RMDN3: variants seen among roughly 807,000 people sequenced by gnomAD.
RMDN3 encodes regulator of microtubule dynamics protein 3.
A neutral mutation model predicts 61.8 loss-of-function variants in RMDN3; 41 were observed. The ratio of observed to expected loss-of-function variants is 0.66; its 90% CI spans 0.52 to 0.86. The LOEUF is 0.86. Among genes scored for constraint, RMDN3 ranks in the 40% least tolerant of loss-of-function variants. The pLI is 0.00. For missense variants in RMDN3, 557 were observed against 585.3 expected, an observed-to-expected ratio of 0.95 and a Z score of 0.50; for synonymous variants, 247 against 232.0, an observed-to-expected ratio of 1.06 and a Z score of -0.59.
chr15:40,746,331 C>T (rs563054056), intron 4 of RMDN3, among the ~76,000 whole-genome samples: 63 of 152,006 alleles, frequency 4.1e-4, no homozygotes, highest in South Asian at 1.7e-3. Context: ...CTGGCTAACA[C>T]GGTGAAACCC....
chr15:40,738,483 G>A lies in RMDN3; in HGVS notation c.1047+18C>T. 1 of 1,613,496 alleles carries A rather than the reference G, an allele frequency of 6.2e-7. No homozygotes were observed. Among genetic ancestry groups the A allele is most frequent in the Non-Finnish European group, 8.5e-7 (1 of 1,179,486 alleles). On this transcript the variant is annotated intron_variant, in intron 8 of 12. Transcript: ENST00000338376. The stretch of plus-strand genomic sequence containing the variant: ...TGGGATAGGCCAGCACAAGGAAGGA[G>A]GAAAAGCCTGTCCTCACCTTGAAGC...
At chr15:40,742,987 G>A (rs922184774) in intron 6 of RMDN3, among the ~76,000 whole-genome samples, 3 of 152,082 alleles carry the variant, frequency 2.0e-5, no homozygotes, top group African/African-American at 7.2e-5. Flanking sequence ...CTACTCAATT[G>A]GTCTGTTCTT....
chr15:40,753,420 G>A (rs573972829), intron 2 of RMDN3, among the ~76,000 whole-genome samples: 11 of 152,102 alleles, frequency 7.2e-5, no homozygotes, highest in Non-Finnish European at 1.3e-4. Context: ...GCTGAGGCAC[G>A]AGAATCACTT....
chr15:40,745,162 C>T lies in RMDN3; in HGVS notation c.622G>A (p.Gly208Arg). ...TCCAAGTCAAGAGAATCCTTTCTCC[C>T]CATCTTCACAGTCTCACAGCTCACT... ...DEVSCETVKM[G>R]RKDSLDLEEE... Residue 208 changes from glycine (G) to arginine (R), a missense_variant, in exon 5 of 13, where the codon GGG (glycine) becomes AGG (arginine). Transcript: ENST00000338376. 2.5e-6 allele frequency: 4 copies of T among 1,614,176 alleles called. No individual in the cohort carries two copies. Among genetic ancestry groups the T allele is most frequent in the Non-Finnish European group, 3.4e-6 (4 of 1,180,032 alleles).
At chr15:40,739,995 C>CA (rs1567062361) in intron 7 of RMDN3, 138 bp downstream of exon 7, 2 of 675,376 alleles carry the variant, frequency 3.0e-6, no homozygotes, top group African/African-American at 3.5e-5. Flanking sequence ...TAGACTGAGG[C>CA]ATGTGGAGAT....
intron 4 of RMDN3, among the ~76,000 whole-genome samples, chr15:40,748,828 G>A (rs533222694): frequency 5.3e-5 from 8 of 151,856 alleles, no homozygotes; most frequent in African/African-American, 1.9e-4. Flanking sequence ...TCGAACTCCT[G>A]ACCTCAAGTG....
Position 40,738,550 on chromosome 15 carries a change from G to C in RMDN3, c.998C>G (p.Ala333Gly), listed in dbSNP as rs776555096. ...LWYAVLCGQL[A>G]EHESIQRRIQ... is the part of the protein sequence containing the mutation. ...GCGCCTCTGGATGCTCTCATGCTCAGCCAGCTGACCACAAAGCACCGCATA... is the reference window on the plus strand; with the variant it reads ...GCGCCTCTGGATGCTCTCATGCTCACCCAGCTGACCACAAAGCACCGCATA... The change falls in exon 8 of 13, where the codon GCT becomes GGT. Residue 333 changes from alanine to glycine, a missense_variant. Physicochemically the swap from Ala to Gly is moderately conservative, Grantham distance 60. Coordinates refer to ENST00000338376, the MANE Select transcript of RMDN3 (RefSeq NM_018145.3). 1.2e-6 allele frequency: 2 copies of C among 1,614,090 alleles called. No individual in the cohort carries two copies. Among genetic ancestry groups the C allele is most frequent in the Non-Finnish European group, 1.7e-6 (2 of 1,180,016 alleles).
chr15:40,754,876 C>G, intron 1 of RMDN3, 86 bp from the exon 2 acceptor site: 1 of 1,206,364 alleles, frequency 8.3e-7, no homozygotes, highest in South Asian at 1.5e-5. Context: ...ACCCGGTAAA[C>G]CCACCCTCAA....
intron 12 of RMDN3, 95 bp downstream of exon 12, chr15:40,737,029 T>TTTTAGTAGA (rs1354096803): frequency 4.9e-6 from 5 of 1,018,222 alleles, no homozygotes; most frequent in Non-Finnish European, 7.7e-6. Flanking sequence ...AATTTTGTAA[T>TTTTAGTAGA]TTTAGTAGAG....
In RMDN3 at chr15:40,736,579, T is replaced by C; in HGVS notation, c.1375A>G (p.Lys459Glu). 6.2e-7 allele frequency: 1 copy of C among 1,614,036 alleles called. No individual in the cohort carries two copies. Among genetic ancestry groups the C allele is most frequent in the East Asian group, 2.2e-5 (1 of 44,870 alleles). The change falls in exon 13 of 13, where the codon AAG becomes GAG. Residue 459 changes from lysine (K) to glutamate (E), a missense_variant. Physicochemically the swap from Lys to Glu is moderately conservative, Grantham distance 56. Coordinates refer to ENST00000338376, the MANE Select transcript of RMDN3 (RefSeq NM_018145.3). The stretch of plus-strand genomic sequence containing the variant: ...ATGACTTCCAGTTCTTCCAGGTCCT[T>C]CTGGATAGCCAAATCCTAGGGAGAC... ...DVTKEDLAIQKDLEELEVILR... is the reference protein window; with the variant it reads ...DVTKEDLAIQEDLEELEVILR...
chr15:40,740,619 C>G (rs1316569517), intron 6 of RMDN3, among the ~76,000 whole-genome samples: 1 of 152,036 alleles, frequency 6.6e-6, no homozygotes, highest in Non-Finnish European at 1.5e-5. Context: ...GCACTCCAGA[C>G]TAGGTGACAG....
At position 40,736,560 on chromosome 15, in the gene RMDN3, T is replaced by C; in HGVS notation, c.1394A>G (p.Glu465Gly). 1.2e-6 allele frequency: 2 copies of C among 1,614,034 alleles called. No homozygotes were observed. The highest frequency in any genetic ancestry group is 8.5e-7 in the Non-Finnish European group (1 of 1,179,966). ...ACGTGGTTAGTCTCGTAAAATGACTTCCAGTTCTTCCAGGTCCTTCTGGAT... is the reference window on the plus strand; with the variant it reads ...ACGTGGTTAGTCTCGTAAAATGACTCCCAGTTCTTCCAGGTCCTTCTGGAT... ...LAIQKDLEEL[E>G]VILRD The change falls in exon 13 of 13, where the codon GAA becomes GGA. Residue 465 changes from glutamate (E) to glycine (G), a missense_variant. Transcript: ENST00000338376.
At position 40,735,975 on chromosome 15, in the gene RMDN3, T is replaced by C. The variant is rs1897021960; in HGVS notation, c.*566A>G. The C allele has an allele frequency of 6.6e-6, 1 of 152,220 alleles. No homozygotes were observed. Among genetic ancestry groups the C allele is most frequent in the African/African-American group, 2.4e-5 (1 of 41,454 alleles). The allele number at this position is 152,220 out of a possible 1,614,324, so 9.4% of individuals were successfully genotyped here. On this transcript the variant is annotated 3_prime_UTR_variant, in exon 13 of 13. Coordinates refer to ENST00000338376, the MANE Select transcript of RMDN3 (RefSeq NM_018145.3). ...TTGTTTTATAGCATCATAAACCCCA[T>C]ACCACTGCTGTCATTCCAAAAGCTG... is the stretch of plus-strand genomic sequence containing the variant.
At position 40,737,463 on chromosome 15, in the gene RMDN3, A is replaced by C. The variant is rs1056476744; in HGVS notation, c.1225-122T>G. 6 of 1,147,584 alleles carry C rather than the reference A, an allele frequency of 5.2e-6. No homozygotes were observed. The East Asian group carries it at 9.4e-5, about 18-fold the overall frequency. 71.1% of individuals were successfully genotyped at this position (1,147,584 alleles called of 1,614,324 possible). ...TGATTCAGTGGGTCTGAAGAAACCT[A>C]TATTTTTGATAAGCTGTGCAAGTGA... is the stretch of plus-strand genomic sequence containing the variant. On this transcript the variant is annotated intron_variant, in intron 10 of 12. Coordinates refer to ENST00000338376, the MANE Select transcript of RMDN3 (RefSeq NM_018145.3).
At chr15:40,748,370 CCA>C (rs1275982617) in intron 4 of RMDN3, among the ~76,000 whole-genome samples, 3 of 152,368 alleles carry the variant, frequency 2.0e-5, no homozygotes, top group South Asian at 2.1e-4. Context: ...GCCGGCTCAA[CCA>C]CACAGTGTTG....
rs1326306579 is a variant in RMDN3 at position 40,750,228 on chromosome 15, T to C, written c.524+1198A>G. Among the ~76,000 whole-genome samples, 3 of 147,100 alleles carry C rather than the reference T, an allele frequency of 2.0e-5. No individual in the cohort carries two copies. The East Asian group carries it at 6.0e-4, about 29-fold the overall frequency. Reference sequence around the variant, plus strand: ...CCAGCTCGTTTTTTTTTTTTTTTTTTTTTTTCTTTGAGATGGAGTCTCACT... The same window carrying C: ...CCAGCTCGTTTTTTTTTTTTTTTTTCTTTTTCTTTGAGATGGAGTCTCACT... On this transcript the variant is annotated intron_variant, in intron 4 of 12. Transcript: ENST00000338376.
chr15:40,737,040 A>G, intron 12 of RMDN3, 84 bp downstream of exon 12: 3 of 1,079,038 alleles, frequency 2.8e-6, no homozygotes, highest in Non-Finnish European at 4.3e-6. Flanking sequence ...TTTAGTAGAG[A>G]TGGGGTTTCT....
intron 4 of RMDN3, among the ~76,000 whole-genome samples, chr15:40,746,878 GA>G (rs199761058): frequency 0.012 from 1,632 of 140,574 alleles, 20 homozygotes; most frequent in African/African-American, 0.037. Context: ...TTAGTTATTA[GA>G]AAAAAAAAAA....
chr15:40,750,216 T>G (rs1214695627), intron 4 of RMDN3, among the ~76,000 whole-genome samples: 2 of 139,808 alleles, frequency 1.4e-5, no homozygotes, highest in East Asian at 2.0e-4. Context: ...GCTCGTTTTT[T>G]TTTTTTTTTT....
Sources: allele counts gnomAD v4.1 joint callset (sites outside exome capture counted in the v4.1 genomes callset), GRCh38; gene constraint gnomAD v4.1.1; transcripts MANE v1.5; gene names NCBI Gene and HGNC (gene_info 2026-07-23, HGNC 2026-07-21).